FSBP: variants seen among roughly 807,000 people sequenced by gnomAD.
FSBP encodes the protein fibrinogen silencer-binding protein.
FSBP carries 18 observed loss-of-function variants against 24.6 expected under a neutral mutation model. That is an observed-to-expected ratio of 0.73 (90% CI 0.51 to 1.08). The LOEUF (loss-of-function observed/expected upper bound fraction) is 1.08, where lower values mean the gene tolerates loss of function less well. FSBP is among the 50% of genes least tolerant of loss of function. The pLI, the probability that FSBP is intolerant of heterozygous loss-of-function variation, is 0.00. For synonymous variants in FSBP, 110 were observed against 125.8 expected, an observed-to-expected ratio of 0.87 and a Z score of 0.84; for missense variants, 305 against 347.6, an observed-to-expected ratio of 0.88 and a Z score of 0.98.
chr8:94,432,935 A>G (rs898526497), intron 1 of FSBP, among the ~76,000 whole-genome samples: 8 of 152,150 alleles, frequency 5.3e-5, no homozygotes, highest in African/African-American at 1.9e-4. Context: ...AAGAAAATAA[A>G]AAGAAAAGCC....
chr8:94,436,182 A>G (rs1005727680), intron 1 of FSBP, among the ~76,000 whole-genome samples: 1 of 152,152 alleles, frequency 6.6e-6, no homozygotes, highest in African/African-American at 2.4e-5. Context: ...AGCAAACTAA[A>G]TAATTTAATT....
intron 1 of FSBP, 74 bp downstream of exon 1, chr8:94,436,421 C>G (rs989976062): frequency 6.9e-7 from 1 of 1,442,820 alleles, no homozygotes; most frequent in Non-Finnish European, 9.1e-7. Flanking sequence ...ATGCATATCT[C>G]TATCACGACT....
Position 94,427,954 on chromosome 8 carries a change from CAAGTT to C in FSBP, c.*4172_*4176del, listed in dbSNP as rs1811985873. 1 of 909,378 alleles carries C rather than the reference CAAGTT, an allele frequency of 1.1e-6. No homozygotes were observed. The highest frequency in any genetic ancestry group is 1.8e-5 in the African/African-American group (1 of 55,126). The allele number at this position is 909,378 out of a possible 1,614,324, so 56.3% of individuals were successfully genotyped here. A position where few individuals can be genotyped will look rare whatever the true frequency, so the allele number is the denominator to read the frequency against. On this transcript the variant is annotated 3_prime_UTR_variant, in exon 2 of 2. Coordinates refer to ENST00000481490, the MANE Select transcript of FSBP (RefSeq NM_001256141.2). Reference sequence around the variant, plus strand: ...CTTAAAAAAAAAAATGAAATAACACCAAGTTAATATCTCATCATACACAAAAGAAA... The same window carrying C: ...CTTAAAAAAAAAAATGAAATAACACCAATATCTCATCATACACAAAAGAAA...
In FSBP at chr8:94,431,045, A is replaced by C; in HGVS notation, c.*1086T>G. The C allele has an allele frequency of 1.0e-6, 1 of 985,330 alleles. No homozygotes were observed. The highest frequency in any genetic ancestry group is 1.2e-6 in the Non-Finnish European group (1 of 829,910). The allele number at this position is 985,330 out of a possible 1,614,324, so 61.0% of individuals were successfully genotyped here. On this transcript the variant is annotated 3_prime_UTR_variant, in exon 2 of 2. Coordinates refer to ENST00000481490, the MANE Select transcript of FSBP (RefSeq NM_001256141.2). ...TGAAATTACACCCACCCCATTCTAC[A>C]ACTTGGCTTAAAAATCCCTTCTCAA...
chr8:94,430,899 T>C lies in FSBP; in HGVS notation c.*1232A>G. Reference sequence around the variant, plus strand: ...CCAAATTGACTCTCTCTACATTCACTTAAAATCAATGGCTTAGCACTGCAT... The same window carrying C: ...CCAAATTGACTCTCTCTACATTCACCTAAAATCAATGGCTTAGCACTGCAT... On this transcript the variant is annotated 3_prime_UTR_variant, in exon 2 of 2. Transcript: ENST00000481490. 2.0e-6 allele frequency: 2 copies of C among 985,424 alleles called. No individual in the cohort carries two copies. Among genetic ancestry groups the C allele is most frequent in the Non-Finnish European group, 2.4e-6 (2 of 829,918 alleles). The allele number at this position is 985,424 out of a possible 1,614,324, so 61.0% of individuals were successfully genotyped here.
chr8:94,427,830 T>C lies in FSBP; in HGVS notation c.*4301A>G. The C allele has an allele frequency of 1.0e-6, 1 of 962,032 alleles. No homozygotes were observed. The highest frequency in any genetic ancestry group is 1.2e-6 in the Non-Finnish European group (1 of 808,762). 59.6% of individuals were successfully genotyped at this position (962,032 alleles called of 1,614,324 possible). On this transcript the variant is annotated 3_prime_UTR_variant, in exon 2 of 2. Coordinates refer to ENST00000481490, the MANE Select transcript of FSBP (RefSeq NM_001256141.2). The stretch of plus-strand genomic sequence containing the variant: ...ACACTCTAAGTTATTTAAACATGTG[T>C]ATTTAAAAGTTGACATTACTCCAAA...
In FSBP at chr8:94,431,162, T is replaced by C. The variant is rs777100915; in HGVS notation, c.*969A>G. 3 of 915,710 alleles carry C rather than the reference T, an allele frequency of 3.3e-6. No homozygotes were observed. The highest frequency in any genetic ancestry group is 5.0e-5 in the South Asian group (1 of 19,840). 56.7% of individuals were successfully genotyped at this position (915,710 alleles called of 1,614,324 possible). On this transcript the variant is annotated 3_prime_UTR_variant, in exon 2 of 2. Coordinates refer to ENST00000481490, the MANE Select transcript of FSBP (RefSeq NM_001256141.2). ...ATGTATGCTTTAAGAATTGAGGTTT[T>C]ATTTCCATGAATACTAAAATAACAA...
chr8:94,436,846 G>T lies in FSBP; in HGVS notation c.23C>A (p.Ser8Tyr). The part of the protein sequence containing the change: MVGKARS[S>Y]NFTLSEKLDL... ...AAGCTTTTCGGATAAGGTAAAATTG[G>T]AAGATCTAGCCTTTCCTACCATTGT... Residue 8 changes from serine to tyrosine, a missense_variant, in exon 1 of 2, where the codon TCC (serine) becomes TAC (tyrosine). Transcript: ENST00000481490. 1 of 1,538,602 alleles carries T rather than the reference G, an allele frequency of 6.5e-7. No homozygotes were observed. The highest frequency in any genetic ancestry group is 8.8e-7 in the Non-Finnish European group (1 of 1,142,416).
chr8:94,428,134 G>A lies in FSBP; in HGVS notation c.*3997C>T, dbSNP rs1178477378. On this transcript the variant is annotated 3_prime_UTR_variant, in exon 2 of 2. Transcript: ENST00000481490. ...ATTCATATGGATAAGAGAAAGATAG[G>A]AAAGTGGCTATCCACTATCTAAATT... is the stretch of plus-strand genomic sequence containing the variant. 2.3e-6 allele frequency: 2 copies of A among 883,552 alleles called. No homozygotes were observed. Among genetic ancestry groups the A allele is most frequent in the East Asian group, 1.2e-4 (1 of 8,330 alleles). The allele number at this position is 883,552 out of a possible 1,614,324, so 54.7% of individuals were successfully genotyped here.
rs1477179910 is a variant in FSBP at position 94,427,897 on chromosome 8, A to T, written c.*4234T>A. 2.1e-6 allele frequency: 2 copies of T among 939,060 alleles called. No individual in the cohort carries two copies. Among genetic ancestry groups the T allele is most frequent in the South Asian group, 4.9e-5 (1 of 20,220 alleles). The allele number at this position is 939,060 out of a possible 1,614,324, so 58.2% of individuals were successfully genotyped here. A position where few individuals can be genotyped will look rare whatever the true frequency, so the allele number is the denominator to read the frequency against. ...AAACTCATAGTTTAAACATTTTCAC[A>T]TAAGTAAAGATAGAACAGGGTAGAA... On this transcript the variant is annotated 3_prime_UTR_variant, in exon 2 of 2. Coordinates refer to ENST00000481490, the MANE Select transcript of FSBP (RefSeq NM_001256141.2).
chr8:94,430,543 T>A lies in FSBP; in HGVS notation c.*1588A>T, dbSNP rs1413476431. ...AGAGATTGCTGACACCCCCAGGGTT[T>A]CTAATTCACTTGGAAATGGATTTAC... On this transcript the variant is annotated 3_prime_UTR_variant, in exon 2 of 2. Coordinates refer to ENST00000481490, the MANE Select transcript of FSBP (RefSeq NM_001256141.2). 3.9e-6 allele frequency: 3 copies of A among 765,162 alleles called. No homozygotes were observed. Among genetic ancestry groups the A allele is most frequent in the Non-Finnish European group, 4.8e-6 (3 of 629,552 alleles). 47.4% of individuals were successfully genotyped at this position (765,162 alleles called of 1,614,324 possible).
In FSBP at chr8:94,432,628, C is replaced by T. The variant is rs1812136800; in HGVS notation, c.403G>A (p.Gly135Ser). The T allele has an allele frequency of 9.7e-6, 15 of 1,541,446 alleles. No individual in the cohort carries two copies. The highest frequency in any genetic ancestry group is 1.3e-5 in the Non-Finnish European group (15 of 1,141,886). The change falls in exon 2 of 2, where the codon GGT becomes AGT. Residue 135 changes from glycine (G) to serine (S), a missense_variant. By Grantham distance (56) the Gly-to-Ser change is moderately conservative (BLOSUM62 0). Coordinates refer to ENST00000481490, the MANE Select transcript of FSBP (RefSeq NM_001256141.2). Reference sequence around the variant, plus strand: ...AACATTACCTGTAGTGAACTGGTACCAGCCTGTGCCTCCTCATCCAAGTTT... The same window carrying T: ...AACATTACCTGTAGTGAACTGGTACTAGCCTGTGCCTCCTCATCCAAGTTT... ...SANLDEEAQA[G>S]TSSLQVMLDH...
In FSBP at chr8:94,432,663, C is replaced by A. The variant is rs1363825380; in HGVS notation, c.375-7G>T. 6.7e-7 allele frequency: 1 copy of A among 1,492,142 alleles called. No individual in the cohort carries two copies. The highest frequency in any genetic ancestry group is 1.4e-5 in the South Asian group (1 of 72,804). The allele number at this position is 1,492,142 out of a possible 1,614,324, so 92.4% of individuals were successfully genotyped here. ...CTCCTCATCCAAGTTTGCACTATAG[C>A]ACACAAAAAAGCATTATAATATGTA... On this transcript the variant is annotated splice_region_variant and splice_polypyrimidine_tract_variant and intron_variant, in intron 1 of 1. Transcript: ENST00000481490.
At position 94,431,029 on chromosome 8, in the gene FSBP, A is replaced by T; in HGVS notation, c.*1102T>A. On this transcript the variant is annotated 3_prime_UTR_variant, in exon 2 of 2. Coordinates refer to ENST00000481490, the MANE Select transcript of FSBP (RefSeq NM_001256141.2). ...TGGTCCCCTTCACTGCTGAAATTAC[A>T]CCCACCCCATTCTACAACTTGGCTT... 2.0e-6 allele frequency: 2 copies of T among 985,328 alleles called. No homozygotes were observed. The highest frequency in any genetic ancestry group is 2.4e-6 in the Non-Finnish European group (2 of 829,908). The allele number at this position is 985,328 out of a possible 1,614,324, so 61.0% of individuals were successfully genotyped here.
At position 94,431,692 on chromosome 8, in the gene FSBP, A is replaced by G. The variant is rs764035445; in HGVS notation, c.*439T>C. The G allele has an allele frequency of 7.2e-5, 71 of 983,744 alleles. No individual in the cohort carries two copies. Among genetic ancestry groups the G allele is most frequent in the Non-Finnish European group, 7.7e-5 (64 of 828,398 alleles). The allele number at this position is 983,744 out of a possible 1,614,324, so 60.9% of individuals were successfully genotyped here. A position where few individuals can be genotyped will look rare whatever the true frequency, so the allele number is the denominator to read the frequency against. ...AGGATTTACTCCTTCAAAAGATAAA[A>G]GCATAAAAACCAATGTCATACAGAC... On this transcript the variant is annotated 3_prime_UTR_variant, in exon 2 of 2. Coordinates refer to ENST00000481490, the MANE Select transcript of FSBP (RefSeq NM_001256141.2).
At position 94,432,126 on chromosome 8, in the gene FSBP, A is replaced by C. The variant is rs1812114086; in HGVS notation, c.*5T>G. 2.0e-6 allele frequency: 3 copies of C among 1,509,694 alleles called. No homozygotes were observed. Among genetic ancestry groups the C allele is most frequent in the Non-Finnish European group, 2.7e-6 (3 of 1,131,488 alleles). 93.5% of individuals were successfully genotyped at this position (1,509,694 alleles called of 1,614,324 possible). A position where few individuals can be genotyped will look rare whatever the true frequency, so the allele number is the denominator to read the frequency against. ...ATTATCAAATTGCAAGATTGAAAAA[A>C]AAACTTAGAGACTGTTATATTCAGG... On this transcript the variant is annotated 3_prime_UTR_variant, in exon 2 of 2. Transcript: ENST00000481490.
rs1449478565 is a variant in FSBP, at chr8:94,430,287, G to A, written c.*1844C>T. On this transcript the variant is annotated 3_prime_UTR_variant, in exon 2 of 2. Coordinates refer to ENST00000481490, the MANE Select transcript of FSBP (RefSeq NM_001256141.2). ...CATCGCACCACTGCACTCCAACCTA[G>A]GTGACAAAGCAAGACTCCATCTCAA... 2 of 929,048 alleles carry A rather than the reference G, an allele frequency of 2.2e-6. No homozygotes were observed. The highest frequency in any genetic ancestry group is 3.7e-5 in the African/African-American group (2 of 54,646). 57.6% of individuals were successfully genotyped at this position (929,048 alleles called of 1,614,324 possible). A position where few individuals can be genotyped will look rare whatever the true frequency, so the allele number is the denominator to read the frequency against.
chr8:94,434,508 A>G (rs1292501170), intron 1 of FSBP, among the ~76,000 whole-genome samples: 4 of 151,896 alleles, frequency 2.6e-5, no homozygotes, highest in African/African-American at 9.7e-5. Context: ...AAATAGCCTT[A>G]CAAAACAGGT....
At position 94,428,363 on chromosome 8, in the gene FSBP, C is replaced by G. The variant is rs1042380828; in HGVS notation, c.*3768G>C. On this transcript the variant is annotated 3_prime_UTR_variant, in exon 2 of 2. Coordinates refer to ENST00000481490, the MANE Select transcript of FSBP (RefSeq NM_001256141.2). ...CTGGTGGCTTAAGTGTATAGTCATCCCTCAGTATCCAAGGGGGATTGGTTT... is the reference window on the plus strand; with the variant it reads ...CTGGTGGCTTAAGTGTATAGTCATCGCTCAGTATCCAAGGGGGATTGGTTT... The G allele has an allele frequency of 2.1e-6, 2 of 972,552 alleles. No homozygotes were observed. The highest frequency in any genetic ancestry group is 2.4e-6 in the Non-Finnish European group (2 of 818,524). The allele number at this position is 972,552 out of a possible 1,614,324, so 60.2% of individuals were successfully genotyped here.
Sources: allele counts gnomAD v4.1 joint callset (sites outside exome capture counted in the v4.1 genomes callset), GRCh38; gene constraint gnomAD v4.1.1; transcripts MANE v1.5; gene names NCBI Gene and HGNC (gene_info 2026-07-23, HGNC 2026-07-21).